CHST15: variants seen among roughly 807,000 people sequenced by gnomAD.
The protein encoded by CHST15 is B cell RAG associated protein (GALNAC4S-6ST).
In CHST15, 30 loss-of-function variants were observed where a neutral mutation model predicts 53.6. That is an observed-to-expected ratio of 0.56 (90% CI 0.42 to 0.76). CHST15 has a LOEUF of 0.76. Ranked by LOEUF, CHST15 falls within the 30% of genes least tolerant of loss-of-function variation. CHST15 has a pLI of 0.00. For synonymous variants in CHST15, 296 were observed against 289.8 expected (o/e 1.02, Z -0.22); for missense variants, 627 against 740.5 (o/e 0.85, Z 1.78).
chr10:124,013,804 G>A (rs1206667005), intron 6 of CHST15, among the ~76,000 whole-genome samples: 2 of 152,116 alleles, frequency 1.3e-5, no homozygotes, highest in East Asian at 3.9e-4. Flanking sequence ...CAAGTGCCCA[G>A]GGACCCTGCT....
chr10:124,042,206 GTTC>G, intron 4 of CHST15, 92 bp downstream of exon 4: 2 of 1,315,470 alleles, frequency 1.5e-6, no homozygotes, highest in Non-Finnish European at 2.1e-6. Context: ...CCATGTAAAT[GTTC>G]TGGAGGTGAA....
intron 1 of CHST15, among the ~76,000 whole-genome samples, chr10:124,090,129 C>T (rs1949562405): frequency 6.6e-6 from 1 of 152,192 alleles, no homozygotes; most frequent in African/African-American, 2.4e-5. Context: ...GACACCCTTC[C>T]CAATAGATAA....
At position 124,045,948 on chromosome 10, in the gene CHST15, T is replaced by C; in HGVS notation, c.265A>G (p.Met89Val). 1 of 1,614,034 alleles carries C rather than the reference T, an allele frequency of 6.2e-7. No homozygotes were observed. The highest frequency in any genetic ancestry group is 8.5e-7 in the Non-Finnish European group (1 of 1,180,004). ...ATGTAAGAAGCCATTACCAAGGTCATTATTATCAGTCCAAAAACGAGGCTA... is the reference window on the plus strand; with the variant it reads ...ATGTAAGAAGCCATTACCAAGGTCACTATTATCAGTCCAAAAACGAGGCTA... ...RCSLVFGLII[M>V]TLVMASYILS... The change falls in exon 2 of 8, where the codon ATG (methionine) becomes GTG (valine). Residue 89 changes from methionine (M) to valine (V), a missense_variant. Physicochemically the swap from Met to Val is conservative, Grantham distance 21 (BLOSUM62 1). Coordinates refer to ENST00000435907, the MANE Select transcript of CHST15 (RefSeq NM_001270764.2).
chr10:124,031,468 G>A (rs558686664), intron 5 of CHST15, among the ~76,000 whole-genome samples: 4 of 152,322 alleles, frequency 2.6e-5, no homozygotes, highest in African/African-American at 9.6e-5. Flanking sequence ...TATGCTGTCA[G>A]CCTGTACCGC....
At chr10:124,011,592 C>G in intron 7 of CHST15, 1 of 985,454 alleles carries the variant, frequency 1.0e-6, no homozygotes, top group Non-Finnish European at 1.2e-6. Flanking sequence ...GCCTTTCAAG[C>G]CATCCCTCGG....
At chr10:124,089,336 C>T (rs1291142099) in intron 1 of CHST15, among the ~76,000 whole-genome samples, 1 of 152,228 alleles carries the variant, frequency 6.6e-6, no homozygotes, top group African/African-American at 2.4e-5. Flanking sequence ...GACGACTCTT[C>T]TTTCATACAA....
intron 1 of CHST15, among the ~76,000 whole-genome samples, chr10:124,087,693 G>A (rs576533329): frequency 3.9e-5 from 6 of 152,184 alleles, no homozygotes; most frequent in South Asian, 2.1e-4. Flanking sequence ...AGAGCCTGCC[G>A]AAGCCAGGAG....
chr10:124,078,080 A>G (rs1294572828), intron 1 of CHST15, among the ~76,000 whole-genome samples: 1 of 152,238 alleles, frequency 6.6e-6, no homozygotes. Context: ...GTTTTCACCA[A>G]TAAAACCACC....
intron 1 of CHST15, among the ~76,000 whole-genome samples, chr10:124,082,352 C>T (rs942409989): frequency 2.0e-5 from 3 of 152,104 alleles, no homozygotes; most frequent in Non-Finnish European, 2.9e-5. Flanking sequence ...GCCTCTCTGG[C>T]CCTCAGCTTC....
intron 1 of CHST15, among the ~76,000 whole-genome samples, chr10:124,088,747 G>A (rs919300173): frequency 1.3e-5 from 2 of 152,204 alleles, no homozygotes; most frequent in African/African-American, 4.8e-5. Context: ...GACGCAGCAC[G>A]TGATAGGTCT....
intron 1 of CHST15, among the ~76,000 whole-genome samples, chr10:124,049,952 CTTGAA>C (rs1402609750): frequency 2.0e-5 from 3 of 151,764 alleles, no homozygotes; most frequent in African/African-American, 7.3e-5. Flanking sequence ...TAGGGGCAGA[CTTGAA>C]TTGAATGGTA....
In CHST15 at chr10:124,024,683, C is replaced by T. The variant is rs1020204574; in HGVS notation, c.1191-3271G>A. ...TAGAAGACACATCAAAACTGAAACA[C>T]GGCATCTGTCGCCATAGGGTCGCTC... On this transcript the variant is annotated intron_variant, in intron 5 of 7. Coordinates refer to ENST00000435907, the MANE Select transcript of CHST15 (RefSeq NM_001270764.2). The surrounding 1 kb of genome is among the most constrained non-coding windows in gnomAD (Gnocchi z 4.0). Among the ~76,000 whole-genome samples, 5 of 152,320 alleles carry T rather than the reference C, an allele frequency of 3.3e-5. No individual in the cohort carries two copies. Among genetic ancestry groups the T allele is most frequent in the East Asian group, 1.9e-4 (1 of 5,188 alleles).
At chr10:124,042,217 G>A (rs1166611511) in intron 4 of CHST15, 84 bp downstream of exon 4, 3 of 1,406,442 alleles carry the variant, frequency 2.1e-6, no homozygotes, top group Non-Finnish European at 2.9e-6. Flanking sequence ...TTCTGGAGGT[G>A]AAGCAGAGCT....
chr10:124,049,562 A>G (rs1179786348), intron 1 of CHST15, among the ~76,000 whole-genome samples: 1 of 152,232 alleles, frequency 6.6e-6, no homozygotes, highest in African/African-American at 2.4e-5. Context: ...ACCGCCATCA[A>G]AACCCTTAAA....
At chr10:124,092,434 G>C (rs1416379601) in intron 1 of CHST15, 1 of 152,226 alleles carries the variant, frequency 6.6e-6, no homozygotes, top group Admixed American at 6.5e-5. Context: ...CCCGAGACGC[G>C]GCGGGGCGCA....
chr10:124,062,222 C>CCCAGAGG (rs1948598604), intron 1 of CHST15, among the ~76,000 whole-genome samples: 1 of 152,070 alleles, frequency 6.6e-6, no homozygotes, highest in Non-Finnish European at 1.5e-5. Context: ...ACAATGTGAC[C>CCCAGAGG]CCAGAGGATG....
At chr10:124,016,355 T>C (rs1946584857) in intron 6 of CHST15, among the ~76,000 whole-genome samples, 1 of 152,106 alleles carries the variant, frequency 6.6e-6, no homozygotes, top group Non-Finnish European at 1.5e-5. Context: ...CTCCCAGAAA[T>C]GAAAATTCAC....
At chr10:124,086,668 TCC>T (rs1479845246) in intron 1 of CHST15, among the ~76,000 whole-genome samples, 30 of 151,356 alleles carry the variant, frequency 2.0e-4, no homozygotes, top group Non-Finnish European at 3.2e-4. Context: ...CTCCTCCTCC[TCC>T]TCCTCCTCCT....
At chr10:124,010,450 A>G in intron 7 of CHST15, 111 bp from the exon 8 acceptor site, 1 of 1,425,740 alleles carries the variant, frequency 7.0e-7, no homozygotes, top group Non-Finnish European at 9.2e-7. Flanking sequence ...TTCCTTTAAG[A>G]GAACATATTT....
Sources: gnomAD v4.1 joint callset for allele counts (sites outside exome capture counted in the v4.1 genomes callset) on GRCh38, gnomAD v4.1.1 for gene constraint, Gnocchi (gnomAD v3.1) non-coding constraint, MANE v1.5 for transcripts, NCBI Gene and HGNC (gene_info 2026-07-23, HGNC 2026-07-21) for gene names.